The following KHDRBS2 variants were observed in gnomAD, a reference collection of about 807,000 sequenced individuals.
KHDRBS2 encodes KH domain-containing, RNA-binding, signal transduction-associated protein 2.
In KHDRBS2, 26 loss-of-function variants were observed where a neutral mutation model predicts 44.3. That is an observed-to-expected ratio of 0.59 (90% CI 0.43 to 0.81). The LOEUF (loss-of-function observed/expected upper bound fraction) is 0.81, where lower values mean the gene tolerates loss of function less well. Among genes scored for constraint, KHDRBS2 ranks in the 40% least tolerant of loss-of-function variants. The pLI is 0.00. For missense variants in KHDRBS2, 476 were observed against 433.1 expected (o/e 1.10, Z -0.88); for synonymous variants, 194 against 151.1 (o/e 1.28, Z -2.08).
At chr6:61,823,797 T>G (rs1583022910) in intron 6 of KHDRBS2, among the ~76,000 whole-genome samples, 1 of 152,200 alleles carries the variant, frequency 6.6e-6, no homozygotes, top group East Asian at 1.9e-4. Context: ...TTCAAAAATG[T>G]GTGGCTACTC....
At chr6:62,164,077 A>G (rs2150114018) in intron 2 of KHDRBS2, among the ~76,000 whole-genome samples, 1 of 152,010 alleles carries the variant, frequency 6.6e-6, no homozygotes, top group South Asian at 2.1e-4. Flanking sequence ...TACATTCATA[A>G]TAGATTTTGA....
chr6:61,749,312 C>T (rs1186519768), intron 6 of KHDRBS2, among the ~76,000 whole-genome samples: 1 of 152,084 alleles, frequency 6.6e-6, no homozygotes, highest in Admixed American at 6.6e-5. Flanking sequence ...CGTGCCCCGC[C>T]TTTCAATTTA....
intron 2 of KHDRBS2, among the ~76,000 whole-genome samples, chr6:62,145,377 T>C (rs1260885977): frequency 1.3e-5 from 2 of 151,714 alleles, no homozygotes; most frequent in African/African-American, 4.8e-5. Flanking sequence ...AAAGCTTACA[T>C]CGCTTTTTCA....
At position 61,930,761 on chromosome 6, in the gene KHDRBS2, T is replaced by TAATAAAGAG. The variant is rs1809899479; in HGVS notation, c.484-29399_484-29391dup. On this transcript the variant is annotated intron_variant, in intron 4 of 8. Transcript: ENST00000281156. The stretch of plus-strand genomic sequence containing the variant: ...AAGTCAACATAAGTCAAATGAAAAT[T>TAATAAAGAG]AATAAAGAGACTAATAATAAATACA... Among the ~76,000 whole-genome samples the TAATAAAGAG allele has an allele frequency of 6.6e-5, 10 of 151,568 alleles. No individual in the cohort carries two copies. In the South Asian group the frequency reaches 2.1e-3, roughly 32 times the overall value.
At chr6:62,177,402 T>A in intron 1 of KHDRBS2, 90 bp from the exon 2 acceptor site, 2 of 964,378 alleles carry the variant, frequency 2.1e-6, no homozygotes, top group African/African-American at 1.7e-5. Context: ...ATAATATTCA[T>A]ATTACTCCTC....
chr6:61,643,113 T>C, the KHDRBS2 span, among the ~76,000 whole-genome samples: 1 of 149,952 alleles, frequency 6.7e-6, no homozygotes. Context: ...TGTATATACA[T>C]ATACACACAC....
At chr6:61,985,688 C>T (rs141754458) in intron 3 of KHDRBS2, among the ~76,000 whole-genome samples, 83 of 152,240 alleles carry the variant, frequency 5.5e-4, no homozygotes, top group African/African-American at 1.9e-3. Context: ...TAATGTTCTG[C>T]AAGTCCAATA....
chr6:62,202,205 A>G (rs1404934079), intron 1 of KHDRBS2, among the ~76,000 whole-genome samples: 3 of 152,120 alleles, frequency 2.0e-5, no homozygotes, highest in African/African-American at 7.2e-5. Context: ...AAATATGTGT[A>G]ATCAGTAAAT....
the KHDRBS2 span, among the ~76,000 whole-genome samples, chr6:61,578,287 G>A: frequency 6.6e-6 from 1 of 152,158 alleles, no homozygotes; most frequent in East Asian, 1.9e-4. Context: ...GTGGTATTAG[G>A]TGCTTATTTT....
intron 6 of KHDRBS2, among the ~76,000 whole-genome samples, chr6:61,826,650 T>C (rs1368276767): frequency 2.6e-5 from 4 of 152,114 alleles, no homozygotes; most frequent in African/African-American, 9.7e-5. Flanking sequence ...TATTCGTTAA[T>C]TAGTTATAAA....
intron 2 of KHDRBS2, among the ~76,000 whole-genome samples, chr6:62,140,985 T>C (rs1812687641): frequency 6.6e-6 from 1 of 152,224 alleles, no homozygotes; most frequent in Non-Finnish European, 1.5e-5. Context: ...AACAATAATT[T>C]ATAATCAGGA....
the KHDRBS2 span, among the ~76,000 whole-genome samples, chr6:61,667,978 T>C: frequency 4.0e-5 from 6 of 151,192 alleles, no homozygotes; most frequent in African/African-American, 1.5e-4. Context: ...CATCACTAAG[T>C]TTTACCTATG....
At chr6:61,913,893 G>C (rs1392242620) in intron 4 of KHDRBS2, among the ~76,000 whole-genome samples, 1 of 152,128 alleles carries the variant, frequency 6.6e-6, no homozygotes, top group African/African-American at 2.4e-5. Flanking sequence ...CAGTGCATAT[G>C]TATCAAAGAT....
intron 1 of KHDRBS2, among the ~76,000 whole-genome samples, chr6:62,215,175 A>T (rs1209069298): frequency 6.6e-6 from 1 of 151,882 alleles, no homozygotes; most frequent in Non-Finnish European, 1.5e-5. Flanking sequence ...CTGTAAAAGA[A>T]ACTAAAAAAA....
intron 2 of KHDRBS2, among the ~76,000 whole-genome samples, chr6:62,127,697 G>A (rs1401822296): frequency 6.6e-6 from 1 of 151,952 alleles, no homozygotes. Flanking sequence ...GAGCCACACA[G>A]AACAAATCTA....
intron 2 of KHDRBS2, among the ~76,000 whole-genome samples, chr6:62,125,990 A>ATACC (rs1247497717): frequency 2.0e-4 from 30 of 152,248 alleles, no homozygotes; most frequent in African/African-American, 7.0e-4. Context: ...CTTTGTCTTG[A>ATACC]AGCTTAGATA....
Position 62,002,939 on chromosome 6 carries a change from T to C in KHDRBS2, c.337-24727A>G, listed in dbSNP as rs1032267091. On this transcript the variant is annotated intron_variant, in intron 3 of 8. Transcript: ENST00000281156. The stretch of plus-strand genomic sequence containing the variant: ...GAGACAATTAAAATTTCATAATTCT[T>C]CCATTTTATCAAACCATTCTGAGGA... Among the ~76,000 whole-genome samples the C allele has an allele frequency of 2.6e-5, 4 of 152,126 alleles. No individual in the cohort carries two copies. In the East Asian group the frequency reaches 7.7e-4, roughly 29 times the overall value.
intron 6 of KHDRBS2, among the ~76,000 whole-genome samples, chr6:61,856,443 C>T (rs1796162784): frequency 1.3e-5 from 2 of 151,994 alleles, no homozygotes; most frequent in Non-Finnish European, 2.9e-5. Flanking sequence ...GAAGAAATTT[C>T]CCCAAATCTT....
intron 6 of KHDRBS2, among the ~76,000 whole-genome samples, chr6:61,793,293 A>C (rs1402562565): frequency 6.6e-6 from 1 of 152,076 alleles, no homozygotes; most frequent in Admixed American, 6.6e-5. Flanking sequence ...CAAAACGAAC[A>C]AGTAAATGTA....
Sources: gnomAD v4.1 joint callset for allele counts (sites outside exome capture counted in the v4.1 genomes callset) on GRCh38, gnomAD v4.1.1 for gene constraint, MANE v1.5 for transcripts, NCBI Gene and HGNC (gene_info 2026-07-23, HGNC 2026-07-21) for gene names.